The following MYO10 variants were observed in gnomAD, a reference collection of about 807,000 sequenced individuals.
MYO10 encodes the protein myosin X.
In MYO10, 133 loss-of-function variants were observed where a neutral mutation model predicts 257.3. The ratio of observed to expected loss-of-function variants is 0.52; its 90% CI spans 0.45 to 0.60. The LOEUF (loss-of-function observed/expected upper bound fraction) is 0.60, where lower values mean the gene tolerates loss of function less well. Ranked by LOEUF, MYO10 falls within the 20% of genes least tolerant of loss-of-function variation. The pLI is 0.00. For synonymous variants in MYO10, 1,104 were observed against 1,028.6 expected, an observed-to-expected ratio of 1.07 and a Z score of -1.40; for missense variants, 2,399 against 2,635.7, an observed-to-expected ratio of 0.91 and a Z score of 1.97.
At chr5:16,838,725 A>G (rs962478153) in intron 2 of MYO10, among the ~76,000 whole-genome samples, 11 of 152,214 alleles carry the variant, frequency 7.2e-5, no homozygotes, top group Admixed American at 7.2e-4. Context: ...AGGAGAACTC[A>G]AGGCCTGGCT....
chr5:16,731,042 C>G (rs1045898670), intron 19 of MYO10, among the ~76,000 whole-genome samples: 2 of 149,438 alleles, frequency 1.3e-5, no homozygotes, highest in African/African-American at 5.0e-5. Context: ...GATCAAAACA[C>G]ACTTTTTTTT....
At chr5:16,763,393 G>A (rs1435015567) in intron 14 of MYO10, 88 bp downstream of exon 14, 6 of 1,003,750 alleles carry the variant, frequency 6.0e-6, no homozygotes, top group Non-Finnish European at 9.4e-6. Flanking sequence ...TGATGTGCGT[G>A]TTCGTGCACG....
At chr5:16,788,740 C>T (rs923031075) in intron 4 of MYO10, among the ~76,000 whole-genome samples, 1 of 151,802 alleles carries the variant, frequency 6.6e-6, no homozygotes, top group Non-Finnish European at 1.5e-5. Flanking sequence ...TGAGGAGTGG[C>T]CGTGGAGAGC....
At chr5:16,805,408 A>G (rs1742242402) in intron 3 of MYO10, among the ~76,000 whole-genome samples, 1 of 141,418 alleles carries the variant, frequency 7.1e-6, no homozygotes, top group Non-Finnish European at 1.5e-5. Context: ...ATTGCAGTGA[A>G]CCATCATGGC....
Position 16,906,018 on chromosome 5 carries a change from C to G in MYO10, c.22-28311G>C, listed in dbSNP as rs565681478. 3.7e-4 allele frequency among the ~76,000 whole-genome samples: 56 copies of G among 152,328 alleles called. 1 individual carries two copies. The highest frequency in any genetic ancestry group is 3.4e-3 in the Middle Eastern group (1 of 294). The stretch of plus-strand genomic sequence containing the variant: ...AATGGATACATCCTCAACTGCAACA[C>G]CTGTCAAATGCAACAGAGATTTCTT... On this transcript the variant is annotated intron_variant, in intron 1 of 40. Transcript: ENST00000513610.
intron 3 of MYO10, among the ~76,000 whole-genome samples, chr5:16,810,563 G>C (rs1742405315): frequency 6.6e-6 from 1 of 152,136 alleles, no homozygotes; most frequent in Non-Finnish European, 1.5e-5. Flanking sequence ...GGAGGTCAAG[G>C]TGGGAGGATG....
At chr5:16,928,950 TTTTTTTTTTGG>T (rs1746217613) in intron 1 of MYO10, among the ~76,000 whole-genome samples, 2 of 144,846 alleles carry the variant, frequency 1.4e-5, no homozygotes, top group Non-Finnish European at 3.0e-5. Flanking sequence ...TAGTGGCATG[TTTTTTTTTTGG>T]TTTTTTTTTG....
chr5:16,750,237 G>A (rs1438081143), intron 19 of MYO10, among the ~76,000 whole-genome samples: 1 of 152,098 alleles, frequency 6.6e-6, no homozygotes, highest in Non-Finnish European at 1.5e-5. Flanking sequence ...CGCCAGTGAG[G>A]CTAGCAAACT....
chr5:16,713,178 C>T (rs2126582059), intron 19 of MYO10, among the ~76,000 whole-genome samples: 1 of 152,324 alleles, frequency 6.6e-6, no homozygotes, highest in East Asian at 1.9e-4. Flanking sequence ...ATATCTCTAT[C>T]TCTCAGGCTT....
intron 2 of MYO10, among the ~76,000 whole-genome samples, chr5:16,867,808 TAATAA>T (rs1304976853): frequency 6.6e-6 from 1 of 152,198 alleles, no homozygotes; most frequent in African/African-American, 2.4e-5. Context: ...TTTAGTGGAT[TAATAA>T]AATGAGAAGA....
chr5:16,891,320 AAAGGAAGGAAGGAAGG>A (rs59008302), intron 1 of MYO10, among the ~76,000 whole-genome samples: 2,570 of 88,008 alleles, frequency 0.029, 80 homozygotes, highest in East Asian at 0.11. Flanking sequence ...GGAGAAGAGA[AAAGGAAGGAAGGAAGG>A]AAGGAAGGAA....
intron 3 of MYO10, among the ~76,000 whole-genome samples, chr5:16,800,838 A>G (rs1056210715): frequency 1.3e-5 from 2 of 152,186 alleles, no homozygotes; most frequent in African/African-American, 4.8e-5. Context: ...TTTTCAGGTA[A>G]AAGGTCGTCT....
chr5:16,779,854 T>G (rs1410269223), intron 8 of MYO10, among the ~76,000 whole-genome samples: 1 of 152,220 alleles, frequency 6.6e-6, no homozygotes, highest in Non-Finnish European at 1.5e-5. Flanking sequence ...AAAATGTTAC[T>G]GAAAGAACAA....
Position 16,679,975 on chromosome 5 carries a change from G to T in MYO10, c.4514C>A (p.Pro1505His). 6.2e-7 allele frequency: 1 copy of T among 1,613,906 alleles called. No individual in the cohort carries two copies. The highest frequency in any genetic ancestry group is 8.5e-7 in the Non-Finnish European group (1 of 1,179,856). ...VTDTKAPIDT[P>H]TQQLIQDIKE... ...GATATCTTGAATCAGCTGCTGGGTG[G>T]GGGTGTCGATCGGGGCCTTGGTGTC... Residue 1505 changes from proline (P) to histidine (H), a missense_variant, in exon 33 of 41, where the codon CCC becomes CAC. Physicochemically the swap from Pro to His is moderately conservative, Grantham distance 77. Around this residue, in one of 3 missense-constraint regions of MYO10, gnomAD observed 1,820 missense variants for 1,939.4 expected, o/e 0.94. Coordinates refer to ENST00000513610, the MANE Select transcript of MYO10 (RefSeq NM_012334.3).
intron 1 of MYO10, among the ~76,000 whole-genome samples, chr5:16,923,292 T>TC (rs780966696): frequency 3.3e-5 from 5 of 151,876 alleles, no homozygotes; most frequent in Non-Finnish European, 7.4e-5. Flanking sequence ...ACTAAACTCT[T>TC]CTTTTTTTTT....
At chr5:16,672,574 A>AAACT in intron 37 of MYO10, 115 bp downstream of exon 37, 2 of 1,276,160 alleles carry the variant, frequency 1.6e-6, no homozygotes, top group Non-Finnish European at 2.2e-6. Flanking sequence ...AGGTAAAATA[A>AAACT]AACTAACTCC....
At chr5:16,748,355 G>A (rs765948125) in intron 19 of MYO10, among the ~76,000 whole-genome samples, 1 of 151,876 alleles carries the variant, frequency 6.6e-6, no homozygotes, top group Non-Finnish European at 1.5e-5. Context: ...AACAACTCTC[G>A]TGCCTCAGCC....
rs141478594 is a variant in MYO10 at position 16,933,252 on chromosome 5, CT to C, written c.21+2535del. On this transcript the variant is annotated intron_variant, in intron 1 of 40. Coordinates refer to ENST00000513610, the MANE Select transcript of MYO10 (RefSeq NM_012334.3). Reference sequence around the variant, plus strand: ...ACTTGGGGGATAGGGTTAACAATTACTGAGTAGAGTCCAGGGATGCGTTTAA... The same window carrying C: ...ACTTGGGGGATAGGGTTAACAATTACGAGTAGAGTCCAGGGATGCGTTTAA... Among the ~76,000 whole-genome samples the C allele has an allele frequency of 3.0e-3, 460 of 152,298 alleles. 3 individuals are homozygous for C. Among genetic ancestry groups the C allele is most frequent in the African/African-American group, 0.011 (439 of 41,558 alleles).
chr5:16,827,534 A>G (rs1580046982), intron 2 of MYO10, among the ~76,000 whole-genome samples: 1 of 152,178 alleles, frequency 6.6e-6, no homozygotes, highest in South Asian at 2.1e-4. Context: ...TGATCCGCCC[A>G]CCCTGGCTTC....
Sources: allele counts gnomAD v4.1 joint callset (sites outside exome capture counted in the v4.1 genomes callset), GRCh38; gene constraint gnomAD v4.1.1; regional missense constraint gnomAD v4.1.1; transcripts MANE v1.5; gene names NCBI Gene and HGNC (gene_info 2026-07-23, HGNC 2026-07-21).